Variants in MAST4 observed in about 807,000 individuals in gnomAD.
MAST4 encodes microtubule-associated serine/threonine-protein kinase 4.
MAST4 carries 89 observed loss-of-function variants against 162.7 expected under a neutral mutation model. The ratio of observed to expected loss-of-function variants is 0.55; its 90% CI spans 0.46 to 0.65. MAST4 has a LOEUF of 0.65. MAST4 is among the 30% of genes least tolerant of loss of function. MAST4 has a pLI of 0.00. For missense variants in MAST4, 3,153 were observed against 3,374.0 expected (o/e 0.93, Z 1.62); for synonymous variants, 1,479 against 1,361.1 (o/e 1.09, Z -1.91).
At chr5:67,035,280 A>G (rs899275393) in intron 4 of MAST4, among the ~76,000 whole-genome samples, 4 of 152,114 alleles carry the variant, frequency 2.6e-5, no homozygotes, top group Non-Finnish European at 1.5e-5. Context: ...AATTCCTTTC[A>G]TTAGCAAACT....
At chr5:66,928,391 G>A (rs1481996260) in intron 4 of MAST4, among the ~76,000 whole-genome samples, 1 of 152,204 alleles carries the variant, frequency 6.6e-6, no homozygotes, top group Non-Finnish European at 1.5e-5. Context: ...GTTGGGGAGA[G>A]GACAATTGAA....
Position 67,100,467 on chromosome 5 carries a change from G to A in MAST4, c.945G>A (p.Gln315=), listed in dbSNP as rs888727423. The A allele has an allele frequency of 6.2e-7, 1 of 1,613,682 alleles. No individual in the cohort carries two copies. Residue 315 remains glutamine (Q), a synonymous_variant, in exon 8 of 29, where the codon CAG becomes CAA. Transcript: ENST00000403625. Reference sequence around the variant, plus strand: ...GTTCCTCCCAGGAGAAGTTGCATCAGTTACCATACCAACCAACACCAGACG... The same window carrying A: ...GTTCCTCCCAGGAGAAGTTGCATCAATTACCATACCAACCAACACCAGACG... ...SSCSSQEKLH[Q]LPYQPTPDEL...
At chr5:67,114,048 G>T (rs1766585535) in intron 11 of MAST4, 39 bp from the exon 12 acceptor site, 1 of 1,610,228 alleles carries the variant, frequency 6.2e-7, no homozygotes, top group Non-Finnish European at 8.5e-7. Flanking sequence ...AGACAATTTT[G>T]GCTCAAAGAA....
chr5:66,959,388 G>C (rs1745725425), intron 4 of MAST4: 12 of 757,700 alleles, frequency 1.6e-5, no homozygotes, highest in South Asian at 1.5e-4. Flanking sequence ...TGTACTGACA[G>C]CCTCAGAGCA....
At chr5:66,759,929 A>T (rs781372154) in intron 2 of MAST4, 67 bp downstream of exon 2, 1,020 of 1,555,166 alleles carry the variant, frequency 6.6e-4, no homozygotes, top group Non-Finnish European at 8.5e-4. Context: ...ATGGCCCCAG[A>T]GTTCCACATG....
chr5:66,858,037 A>C (rs1044435848), intron 3 of MAST4, among the ~76,000 whole-genome samples: 7 of 151,644 alleles, frequency 4.6e-5, no homozygotes, highest in Non-Finnish European at 7.4e-5. Context: ...GCTCACTGCA[A>C]CCTCCTCCTC....
intron 1 of MAST4, among the ~76,000 whole-genome samples, chr5:66,700,798 TATACACACACACAC>T (rs1185167720): frequency 7.3e-6 from 1 of 136,184 alleles, no homozygotes; most frequent in Non-Finnish European, 1.6e-5. Flanking sequence ...TATATATATA[TATACACACACACAC>T]ACACACACAC....
intron 4 of MAST4, among the ~76,000 whole-genome samples, chr5:66,953,332 C>T (rs529265896): frequency 2.6e-5 from 4 of 152,160 alleles, no homozygotes; most frequent in East Asian, 1.9e-4. Flanking sequence ...AAAACTCGTA[C>T]GTTTAAATCC....
intron 5 of MAST4, 49 bp downstream of exon 5, chr5:67,054,541 G>A: frequency 2.0e-6 from 3 of 1,490,696 alleles, no homozygotes; most frequent in South Asian, 2.6e-5. Context: ...TTATTTGTTG[G>A]TTTTTTAAAA....
chr5:67,156,622 A>G (rs948241666), intron 26 of MAST4, among the ~76,000 whole-genome samples: 5 of 152,228 alleles, frequency 3.3e-5, no homozygotes, highest in African/African-American at 1.2e-4. Context: ...TCTAGGCCAA[A>G]TGATGAGGTG....
At chr5:66,737,787 C>T (rs765106535) in intron 1 of MAST4, among the ~76,000 whole-genome samples, 80 of 152,178 alleles carry the variant, frequency 5.3e-4, no homozygotes, top group Admixed American at 1.1e-3. Flanking sequence ...AAGTCACTCT[C>T]TTGACTTCGA....
chr5:66,754,099 C>T (rs1483242685), intron 1 of MAST4, among the ~76,000 whole-genome samples: 1 of 152,072 alleles, frequency 6.6e-6, no homozygotes, highest in Non-Finnish European at 1.5e-5. Flanking sequence ...CAAAATTCAA[C>T]AACCCCTCAT....
At chr5:66,672,110 A>G (rs151265299) in intron 1 of MAST4, among the ~76,000 whole-genome samples, 72 of 152,336 alleles carry the variant, frequency 4.7e-4, no homozygotes, top group Middle Eastern at 3.4e-3. Context: ...TGCTGCTGTG[A>G]ATCCAAACCA....
intron 1 of MAST4, among the ~76,000 whole-genome samples, chr5:66,723,488 A>G (rs1751341649): frequency 6.6e-6 from 1 of 152,204 alleles, no homozygotes; most frequent in South Asian, 2.1e-4. Context: ...TTGCCCTTTC[A>G]GAAGGCTTCC....
At chr5:66,707,087 C>T (rs1006336554) in intron 1 of MAST4, among the ~76,000 whole-genome samples, 8 of 152,158 alleles carry the variant, frequency 5.3e-5, no homozygotes, top group Non-Finnish European at 1.0e-4. Flanking sequence ...TGCTTTCCTG[C>T]AGAGAGGCCC....
intron 13 of MAST4, 38 bp from the exon 14 acceptor site, chr5:67,120,979 T>C (rs1271001402): frequency 2.8e-6 from 4 of 1,429,518 alleles, no homozygotes; most frequent in Non-Finnish European, 3.9e-6. Context: ...TTTTCTTAAA[T>C]CTAAACTACT....
chr5:66,787,347 C>G (rs192920589), intron 2 of MAST4, among the ~76,000 whole-genome samples: 2 of 152,174 alleles, frequency 1.3e-5, no homozygotes, highest in Non-Finnish European at 2.9e-5. Flanking sequence ...TGTGCTTTCA[C>G]TCTATAATAA....
At chr5:66,709,514 G>T (rs950212212) in intron 1 of MAST4, among the ~76,000 whole-genome samples, 3 of 143,918 alleles carry the variant, frequency 2.1e-5, no homozygotes, top group Admixed American at 1.4e-4. Context: ...ATGGAGTCTT[G>T]CTATGTTGTC....
chr5:66,742,513 C>T (rs1246971864), intron 1 of MAST4, among the ~76,000 whole-genome samples: 2 of 152,158 alleles, frequency 1.3e-5, no homozygotes, highest in Non-Finnish European at 2.9e-5. Context: ...CCTGAGCGCT[C>T]CTCCAGCTGC....
Sources: allele counts gnomAD v4.1 joint callset (sites outside exome capture counted in the v4.1 genomes callset), GRCh38; gene constraint gnomAD v4.1.1; transcripts MANE v1.5; gene names NCBI Gene and HGNC (gene_info 2026-07-23, HGNC 2026-07-21).